SYN3: variants seen among roughly 807,000 people sequenced by gnomAD.
The protein encoded by SYN3 is synapsin-3.
In SYN3, 35 loss-of-function variants were observed where a neutral mutation model predicts 65.8. That is an observed-to-expected ratio of 0.53 (90% CI 0.41 to 0.70). SYN3 has a LOEUF of 0.70. Among genes scored for constraint, SYN3 ranks in the 30% least tolerant of loss-of-function variants. The probability of loss-of-function intolerance (pLI) is 0.00; values close to 1 mark genes in which losing one functional copy is unlikely to be tolerated. For missense variants in SYN3, 680 were observed against 749.0 expected (o/e 0.91, Z 1.08); for synonymous variants, 270 against 292.9 (o/e 0.92, Z 0.80).
rs73162011 is a variant in SYN3 at position 32,947,970 on chromosome 22, T to C, written c.370-16489A>G. ...CCAGGTTACTGGCAGAAGTCAGTTATCTGCAATTATAGAACTGAGGTCCTC... is the reference window on the plus strand; with the variant it reads ...CCAGGTTACTGGCAGAAGTCAGTTACCTGCAATTATAGAACTGAGGTCCTC... On this transcript the variant is annotated intron_variant, in intron 3 of 13. Coordinates refer to ENST00000358763, the MANE Select transcript of SYN3 (RefSeq NM_003490.4). 7.0e-3 allele frequency among the ~76,000 whole-genome samples: 1,071 copies of C among 152,306 alleles called. 10 individuals carry two copies. The highest frequency in any genetic ancestry group is 0.035 in the South Asian group (170 of 4,828).
At chr22:32,963,988 G>T (rs1187036188) in intron 3 of SYN3, among the ~76,000 whole-genome samples, 3 of 152,116 alleles carry the variant, frequency 2.0e-5, no homozygotes, top group Non-Finnish European at 4.4e-5. Context: ...ACTAGAGGGG[G>T]TGAGCCTTCC....
At chr22:32,604,863 G>A (rs911227439) in intron 6 of SYN3, among the ~76,000 whole-genome samples, 4 of 151,868 alleles carry the variant, frequency 2.6e-5, no homozygotes, top group Non-Finnish European at 5.9e-5. Context: ...AAAATTAGCC[G>A]GGCGTGGTGG....
At chr22:32,946,331 G>A (rs534748839) in intron 3 of SYN3, among the ~76,000 whole-genome samples, 5 of 152,206 alleles carry the variant, frequency 3.3e-5, no homozygotes, top group African/African-American at 1.2e-4. Flanking sequence ...AGAAAATGTG[G>A]CACATATACA....
chr22:32,655,259 C>T (rs1391780417), intron 6 of SYN3, among the ~76,000 whole-genome samples: 1 of 152,196 alleles, frequency 6.6e-6, no homozygotes, highest in African/African-American at 2.4e-5. Flanking sequence ...GCGTCCTCAC[C>T]AGACACTGAA....
At chr22:32,520,397 A>T (rs2057859783) in intron 12 of SYN3, among the ~76,000 whole-genome samples, 1 of 151,676 alleles carries the variant, frequency 6.6e-6, no homozygotes, top group Non-Finnish European at 1.5e-5. Flanking sequence ...TTAGCCTCCC[A>T]AAGTGCTGGG....
intron 13 of SYN3, among the ~76,000 whole-genome samples, chr22:32,517,646 A>G (rs1334107254): frequency 5.3e-5 from 8 of 152,172 alleles, no homozygotes; most frequent in Non-Finnish European, 1.5e-5. Context: ...TGGGTATCCT[A>G]TGTTTTATTC....
rs114314924 is a variant in SYN3 at position 32,525,284 on chromosome 22, T to C, written c.1318+2634A>G. Among the ~76,000 whole-genome samples the C allele has an allele frequency of 3.5e-3, 533 of 152,286 alleles. 1 individual carries two copies. The highest frequency in any genetic ancestry group is 0.012 in the African/African-American group (507 of 41,550). ...CGTGGAAATAGCAAGAGAACTAAAA[T>C]AAGAAGTGAAGCCTGAAGATGTGAT... On this transcript the variant is annotated intron_variant, in intron 12 of 13. Coordinates refer to ENST00000358763, the MANE Select transcript of SYN3 (RefSeq NM_003490.4).
At chr22:32,517,505 A>G (rs1349549202) in intron 13 of SYN3, among the ~76,000 whole-genome samples, 1 of 152,234 alleles carries the variant, frequency 6.6e-6, no homozygotes, top group Non-Finnish European at 1.5e-5. Context: ...AGCGAATAAA[A>G]ATGTGTAGAT....
At chr22:32,826,169 C>G (rs2047406738) in intron 6 of SYN3, among the ~76,000 whole-genome samples, 1 of 152,174 alleles carries the variant, frequency 6.6e-6, no homozygotes, top group Non-Finnish European at 1.5e-5. Context: ...TGGCTCACGC[C>G]TGTAATTCCA....
At chr22:32,780,979 C>CCTTCCTTCCTTCCT (rs1569219327) in intron 6 of SYN3, among the ~76,000 whole-genome samples, 17 of 79,706 alleles carry the variant, frequency 2.1e-4, no homozygotes, top group African/African-American at 7.2e-4. Context: ...CCTTCCTTCC[C>CCTTCCTTCCTTCCT]TCCTTCCTTC....
At chr22:33,033,371 C>T (rs1290541401) in intron 1 of SYN3, among the ~76,000 whole-genome samples, 3 of 152,158 alleles carry the variant, frequency 2.0e-5, no homozygotes, top group Non-Finnish European at 2.9e-5. Flanking sequence ...ACCGGCTGTT[C>T]CCCTGCCTGG....
At chr22:32,692,441 C>T (rs983009044) in intron 6 of SYN3, among the ~76,000 whole-genome samples, 2 of 152,186 alleles carry the variant, frequency 1.3e-5, no homozygotes, top group African/African-American at 4.8e-5. Flanking sequence ...TATTCTGCAT[C>T]ATTTCTGACT....
At chr22:32,899,436 C>T (rs1003282396) in intron 4 of SYN3, among the ~76,000 whole-genome samples, 2 of 152,058 alleles carry the variant, frequency 1.3e-5, no homozygotes, top group African/African-American at 2.4e-5. Context: ...GGAACGGAGG[C>T]GTTAATCAAG....
In SYN3 at chr22:33,006,373, ATC is replaced by A; in HGVS notation, c.288_289del (p.Ile97ArgfsTer2). The A allele has an allele frequency of 6.2e-7, 1 of 1,612,956 alleles. No homozygotes were observed. Among genetic ancestry groups the A allele is most frequent in the Non-Finnish European group, 8.5e-7 (1 of 1,179,286 alleles). ...TTACCAGTCTGTATGGGCATCATCGATCACCAACAGGATCCTGGGTCTTTGAA... is the reference window on the plus strand; with the variant it reads ...TTACCAGTCTGTATGGGCATCATCGAACCAACAGGATCCTGGGTCTTTGAA... On this transcript the variant is annotated frameshift_variant, in exon 2 of 14. Transcript: ENST00000358763. LOFTEE classifies it high-confidence loss of function.
At position 32,516,677 on chromosome 22, in the gene SYN3, A is replaced by G. The variant is rs181797004; in HGVS notation, c.1610+1366T>C. On this transcript the variant is annotated intron_variant, in intron 13 of 13. Coordinates refer to ENST00000358763, the MANE Select transcript of SYN3 (RefSeq NM_003490.4). Reference sequence around the variant, plus strand: ...CACCACACCTGGCCTGATACCTTTTAGATCTTTGAACTATGTGAATATATT... The same window carrying G: ...CACCACACCTGGCCTGATACCTTTTGGATCTTTGAACTATGTGAATATATT... Among the ~76,000 whole-genome samples, 446 of 152,346 alleles carry G rather than the reference A, an allele frequency of 2.9e-3. 2 individuals carry two copies. The highest frequency in any genetic ancestry group is 0.01 in the African/African-American group (429 of 41,590).
intron 6 of SYN3, among the ~76,000 whole-genome samples, chr22:32,621,837 GACTC>G (rs754575744): frequency 5.9e-5 from 9 of 152,120 alleles, no homozygotes; most frequent in Non-Finnish European, 5.9e-5. Flanking sequence ...GAAATTAAGA[GACTC>G]ACTCACGTTC....
chr22:32,788,988 C>A (rs2046258524), intron 6 of SYN3, among the ~76,000 whole-genome samples: 1 of 152,168 alleles, frequency 6.6e-6, no homozygotes, highest in South Asian at 2.1e-4. Flanking sequence ...CCCCAACAAG[C>A]CAGATGCCAG....
chr22:32,547,209 A>G (rs1283121908), intron 7 of SYN3, among the ~76,000 whole-genome samples: 1 of 151,854 alleles, frequency 6.6e-6, no homozygotes, highest in Non-Finnish European at 1.5e-5. Flanking sequence ...GGTCTTGAAC[A>G]CGTAGGTTCA....
intron 6 of SYN3, among the ~76,000 whole-genome samples, chr22:32,790,769 T>C (rs2046308493): frequency 6.7e-6 from 1 of 149,518 alleles, no homozygotes; most frequent in Admixed American, 6.8e-5. Flanking sequence ...GACCTGCAAA[T>C]TCCCGAATGT....
Sources: allele counts gnomAD v4.1 joint callset (sites outside exome capture counted in the v4.1 genomes callset), GRCh38; gene constraint gnomAD v4.1.1; transcripts MANE v1.5; gene names NCBI Gene and HGNC (gene_info 2026-07-23, HGNC 2026-07-21).